NIPAL2: variants seen among roughly 807,000 people sequenced by gnomAD.
The protein encoded by NIPAL2 is NIPA like domain containing 2, also known as NIPA-like protein 2.
In NIPAL2, 43 loss-of-function variants were observed where a neutral mutation model predicts 48.9. That is an observed-to-expected ratio of 0.88 (90% CI 0.69 to 1.13). The LOEUF (loss-of-function observed/expected upper bound fraction) is 1.13. NIPAL2 is among the 50% of genes most tolerant of loss of function. The pLI, the probability that NIPAL2 is intolerant of heterozygous loss-of-function variation, is 0.00. For synonymous variants in NIPAL2, 167 were observed against 174.6 expected (o/e 0.96, Z 0.34); for missense variants, 446 against 461.4 (o/e 0.97, Z 0.31).
chr8:98,280,773 G>GAGAGAGAC (rs1207875865), intron 1 of NIPAL2, among the ~76,000 whole-genome samples: 1 of 105,706 alleles, frequency 9.5e-6, no homozygotes, highest in Non-Finnish European at 2.1e-5. Flanking sequence ...GAGAGAGAGA[G>GAGAGAGAC]AGAGAGAGAG....
Position 98,193,367 on chromosome 8 carries a change from C to T in NIPAL2, c.1040-277G>A, listed in dbSNP as rs761673864. ...CAGGTGGGTTTAGTCTGGAGATTCA[C>T]ATGAAGCATTCACTCACCTCCAAGC... On this transcript the variant is annotated intron_variant, in intron 10 of 10. Coordinates refer to ENST00000430223, the MANE Select transcript of NIPAL2 (RefSeq NM_001321635.2). 3.7e-6 allele frequency: 6 copies of T among 1,613,680 alleles called. No individual in the cohort carries two copies. The Admixed American group carries it at 6.7e-5, about 18-fold the overall frequency.
At chr8:98,284,610 C>T (rs1816052152) in intron 1 of NIPAL2, among the ~76,000 whole-genome samples, 1 of 152,080 alleles carries the variant, frequency 6.6e-6, no homozygotes, top group African/African-American at 2.4e-5. Context: ...ACTGACCCAG[C>T]CTAATGTGGG....
At chr8:98,196,686 TTTG>T (rs1810568694) in intron 8 of NIPAL2, among the ~76,000 whole-genome samples, 1 of 152,258 alleles carries the variant, frequency 6.6e-6, no homozygotes, top group Admixed American at 6.5e-5. Context: ...TCATAGAGTT[TTTG>T]TTAAGATATC....
intron 3 of NIPAL2, among the ~76,000 whole-genome samples, chr8:98,246,265 C>T (rs1813302125): frequency 6.6e-6 from 1 of 152,164 alleles, no homozygotes; most frequent in African/African-American, 2.4e-5. Flanking sequence ...CAGTTTAGGG[C>T]TTCATAACAG....
chr8:98,259,069 CCTT>C (rs1346578300), intron 1 of NIPAL2, among the ~76,000 whole-genome samples: 6,032 of 89,214 alleles, frequency 0.068, 416 homozygotes, highest in Non-Finnish European at 0.098. Context: ...TTTAAATATT[CCTT>C]TTTTTTTTTT....
At chr8:98,196,221 A>G (rs1443248950) in intron 8 of NIPAL2, among the ~76,000 whole-genome samples, 1 of 152,268 alleles carries the variant, frequency 6.6e-6, no homozygotes, top group African/African-American at 2.4e-5. Flanking sequence ...TGATATAATT[A>G]TCATTATTAT....
chr8:98,190,973 C>A lies in NIPAL2; in HGVS notation c.*2005G>T, dbSNP rs1197366673. 2.6e-5 allele frequency: 4 copies of A among 152,176 alleles called. No individual in the cohort carries two copies. The highest frequency in any genetic ancestry group is 5.9e-5 in the Non-Finnish European group (4 of 68,028). The allele number at this position is 152,176 out of a possible 1,614,324, so 9.4% of individuals were successfully genotyped here. A position where few individuals can be genotyped will look rare whatever the true frequency, so the allele number is the denominator to read the frequency against. ...TCCTATTTACCTTACTTTGGAGCAA[C>A]AATATGGAAAGTAAAACTAGGTCTG... is the stretch of plus-strand genomic sequence containing the variant. On this transcript the variant is annotated 3_prime_UTR_variant, in exon 11 of 11. Transcript: ENST00000430223.
chr8:98,211,953 G>A (rs1208640970), intron 6 of NIPAL2, among the ~76,000 whole-genome samples: 1 of 152,132 alleles, frequency 6.6e-6, no homozygotes, highest in African/African-American at 2.4e-5. Flanking sequence ...AACAATGAAT[G>A]AAAGAAATGT....
intron 4 of NIPAL2, among the ~76,000 whole-genome samples, chr8:98,224,897 C>T (rs780197681): frequency 1.1e-4 from 17 of 151,724 alleles, no homozygotes; most frequent in Non-Finnish European, 2.5e-4. Context: ...GCTGGGACTA[C>T]AAGCACGTGC....
At chr8:98,202,005 A>T (rs1810824268) in intron 8 of NIPAL2, among the ~76,000 whole-genome samples, 1 of 152,246 alleles carries the variant, frequency 6.6e-6, no homozygotes, top group Non-Finnish European at 1.5e-5. Context: ...AATACATCAG[A>T]TAAGCCAATG....
At chr8:98,245,192 T>A (rs2130813130) in intron 3 of NIPAL2, among the ~76,000 whole-genome samples, 1 of 152,350 alleles carries the variant, frequency 6.6e-6, no homozygotes, top group East Asian at 1.9e-4. Flanking sequence ...AACACTTTCA[T>A]GTCAGTCACA....
chr8:98,285,486 A>G (rs1468576217), intron 1 of NIPAL2, among the ~76,000 whole-genome samples: 2 of 152,130 alleles, frequency 1.3e-5, no homozygotes, highest in Non-Finnish European at 2.9e-5. Flanking sequence ...TGAGAAAGTC[A>G]AGCTCTTTCT....
chr8:98,252,711 C>T, intron 2 of NIPAL2, 77 bp from the exon 3 acceptor site: 1 of 1,212,886 alleles, frequency 8.2e-7, no homozygotes, highest in Non-Finnish European at 1.1e-6. Context: ...TTTTGTATTC[C>T]TTTAATTCTT....
At chr8:98,212,562 A>G (rs1811371291) in intron 5 of NIPAL2, 61 bp from the exon 6 acceptor site, 1 of 847,240 alleles carries the variant, frequency 1.2e-6, no homozygotes, top group Non-Finnish European at 1.9e-6. Flanking sequence ...AAAATGTCAC[A>G]CTTCTCATTT....
intron 9 of NIPAL2, among the ~76,000 whole-genome samples, chr8:98,195,428 CTGTT>C (rs1410262845): frequency 6.6e-6 from 1 of 152,168 alleles, no homozygotes; most frequent in African/African-American, 2.4e-5. Context: ...GTTCTGCTCT[CTGTT>C]TGCAAGCAAT....
intron 5 of NIPAL2, among the ~76,000 whole-genome samples, 178 bp downstream of exon 5, chr8:98,222,301 C>T (rs1464982134): frequency 6.6e-6 from 1 of 152,116 alleles, no homozygotes; most frequent in African/African-American, 2.4e-5. Flanking sequence ...ACCTGGGAAA[C>T]TAAGGGTGCT....
At chr8:98,213,433 C>G (rs554936802) in intron 5 of NIPAL2, among the ~76,000 whole-genome samples, 5 of 152,044 alleles carry the variant, frequency 3.3e-5, no homozygotes, top group Non-Finnish European at 5.9e-5. Context: ...AAAATATAAA[C>G]TAGACCCATT....
At chr8:98,230,670 G>C (rs531102837) in intron 4 of NIPAL2, among the ~76,000 whole-genome samples, 4 of 152,198 alleles carry the variant, frequency 2.6e-5, no homozygotes, top group African/African-American at 7.2e-5. Context: ...GAGGCTACTA[G>C]TGTTCTGTTG....
intron 1 of NIPAL2, among the ~76,000 whole-genome samples, chr8:98,260,179 G>A (rs1814209289): frequency 6.6e-6 from 1 of 152,132 alleles, no homozygotes; most frequent in Admixed American, 6.5e-5. Context: ...CAAAAGTCAG[G>A]AGACCTGTCC....
Sources: allele counts gnomAD v4.1 joint callset (sites outside exome capture counted in the v4.1 genomes callset), GRCh38; gene constraint gnomAD v4.1.1; transcripts MANE v1.5; gene names NCBI Gene and HGNC (gene_info 2026-07-23, HGNC 2026-07-21).